SHISA9: variants seen among roughly 807,000 people sequenced by gnomAD.
SHISA9 encodes protein shisa-9.
A neutral mutation model predicts 38.0 loss-of-function variants in SHISA9; 13 were observed. The ratio of observed to expected loss-of-function variants is 0.34; its 90% confidence interval spans 0.22 to 0.54. The LOEUF is 0.54. SHISA9 is among the 20% of genes least tolerant of loss of function. The pLI, the probability that SHISA9 is intolerant of heterozygous loss-of-function variation, is 0.91. For missense variants in SHISA9, 538 were observed against 575.8 expected (o/e 0.93, Z 0.67); for synonymous variants, 275 against 242.0 (o/e 1.14, Z -1.27).
chr16:13,244,231 G>T (rs1458716351), downstream of SHISA9, among the ~76,000 whole-genome samples: 1 of 151,920 alleles, frequency 6.6e-6, no homozygotes, highest in Non-Finnish European at 1.5e-5. Context: ...CCATTATCTC[G>T]ATGTATACTC....
the SHISA9 span, among the ~76,000 whole-genome samples, chr16:13,558,179 G>A: frequency 6.6e-6 from 1 of 152,078 alleles, no homozygotes; most frequent in Non-Finnish European, 1.5e-5. Flanking sequence ...TGTGATCTTG[G>A]GCTAATCACT....
chr16:13,263,104 G>C, the SHISA9 span, among the ~76,000 whole-genome samples: 2 of 152,070 alleles, frequency 1.3e-5, no homozygotes, highest in African/African-American at 4.8e-5. Context: ...CCCATTCCCA[G>C]AGCCTTCACT....
chr16:13,434,419 GTT>G, the SHISA9 span, among the ~76,000 whole-genome samples: 23 of 64,544 alleles, frequency 3.6e-4, 1 homozygote, highest in South Asian at 7.0e-3. Context: ...GACAAGCTAT[GTT>G]TTTTTTTTTT....
chr16:13,289,392 G>C, the SHISA9 span, among the ~76,000 whole-genome samples: 1 of 151,880 alleles, frequency 6.6e-6, no homozygotes, highest in Non-Finnish European at 1.5e-5. Context: ...TGGCAGGGTT[G>C]GGGGGTGCTG....
chr16:13,230,804 C>T (rs1205805671), intron 4 of SHISA9, among the ~76,000 whole-genome samples: 1 of 152,148 alleles, frequency 6.6e-6, no homozygotes, highest in Non-Finnish European at 1.5e-5. Context: ...TGATGATATG[C>T]TAAAGAAGGG....
the SHISA9 span, among the ~76,000 whole-genome samples, chr16:13,311,561 T>G: frequency 6.6e-6 from 1 of 152,174 alleles, no homozygotes; most frequent in Admixed American, 6.5e-5. Flanking sequence ...CTGAGTAATG[T>G]TGATTACACA....
the SHISA9 span, among the ~76,000 whole-genome samples, chr16:13,315,416 T>C: frequency 6.6e-5 from 10 of 152,206 alleles, no homozygotes; most frequent in Non-Finnish European, 1.5e-4. Context: ...TTTAGTATGT[T>C]TATAAAGCTT....
At chr16:13,424,764 G>A in the SHISA9 span, among the ~76,000 whole-genome samples, 6 of 152,128 alleles carry the variant, frequency 3.9e-5, no homozygotes, top group East Asian at 1.9e-4. Flanking sequence ...GCTATGTCTC[G>A]GTTAAAATTT....
intron 2 of SHISA9, among the ~76,000 whole-genome samples, chr16:13,134,564 A>C (rs1159190977): frequency 2.6e-5 from 4 of 152,074 alleles, no homozygotes; most frequent in African/African-American, 9.7e-5. Flanking sequence ...TTTTTCAGGA[A>C]GGGAAATGGG....
chr16:13,354,754 G>A, the SHISA9 span, among the ~76,000 whole-genome samples: 6 of 152,120 alleles, frequency 3.9e-5, no homozygotes, highest in African/African-American at 7.2e-5. Context: ...AATTCTGACT[G>A]CGCTAACCAT....
At chr16:13,388,268 G>A in the SHISA9 span, among the ~76,000 whole-genome samples, 1 of 151,748 alleles carries the variant, frequency 6.6e-6, no homozygotes, top group East Asian at 1.9e-4. Flanking sequence ...CAAACTCTCA[G>A]AAGGGGGAAA....
the SHISA9 span, among the ~76,000 whole-genome samples, chr16:13,257,058 C>A: frequency 2.0e-5 from 3 of 152,166 alleles, no homozygotes; most frequent in Admixed American, 6.5e-5. Context: ...AGGGTACAAA[C>A]GACCATCCAG....
At chr16:13,546,023 C>T in the SHISA9 span, among the ~76,000 whole-genome samples, 1 of 152,230 alleles carries the variant, frequency 6.6e-6, no homozygotes, top group Non-Finnish European at 1.5e-5. Flanking sequence ...GTGGATGGCA[C>T]CTGAATTAAC....
chr16:13,064,794 AAAAAAAAG>A (rs1415833336), intron 2 of SHISA9, among the ~76,000 whole-genome samples: 1 of 151,594 alleles, frequency 6.6e-6, no homozygotes, highest in Non-Finnish European at 1.5e-5. Flanking sequence ...CAAAAAAAAA[AAAAAAAAG>A]AAAAAAAGAG....
chr16:13,458,901 C>T, the SHISA9 span, among the ~76,000 whole-genome samples: 8 of 151,052 alleles, frequency 5.3e-5, no homozygotes, highest in African/African-American at 1.5e-4. Flanking sequence ...GAGTTTCGCT[C>T]TTGTTTCCCA....
At chr16:13,477,189 A>G in the SHISA9 span, among the ~76,000 whole-genome samples, 1 of 152,178 alleles carries the variant, frequency 6.6e-6, no homozygotes, top group African/African-American at 2.4e-5. Context: ...CTCCCTGTCT[A>G]CAAGGACCCC....
chr16:13,435,321 C>T, the SHISA9 span, among the ~76,000 whole-genome samples: 1 of 152,018 alleles, frequency 6.6e-6, no homozygotes, highest in Non-Finnish European at 1.5e-5. Flanking sequence ...AGAACTCTCC[C>T]CACAAGGAAT....
the SHISA9 span, among the ~76,000 whole-genome samples, chr16:13,462,350 T>C: frequency 6.6e-6 from 1 of 152,010 alleles, no homozygotes; most frequent in African/African-American, 2.4e-5. Flanking sequence ...AGAAACAGCA[T>C]GTATAAAGGT....
intron 1 of SHISA9, among the ~76,000 whole-genome samples, chr16:12,913,128 T>C (rs1396157569): frequency 6.6e-6 from 1 of 152,210 alleles, no homozygotes; most frequent in Admixed American, 6.5e-5. Flanking sequence ...AAGTATAGTG[T>C]GCGATTCAAT....
Sources: allele counts gnomAD v4.1 joint callset (sites outside exome capture counted in the v4.1 genomes callset), GRCh38; gene constraint gnomAD v4.1.1; transcripts MANE v1.5; gene names NCBI Gene and HGNC (gene_info 2026-07-23, HGNC 2026-07-21).